The following ETV1 variants were observed in gnomAD, a reference collection of about 807,000 sequenced individuals.
ETV1 encodes the protein ETS translocation variant 1.
ETV1 carries 27 observed loss-of-function variants against 62.3 expected under a neutral mutation model. That is an observed-to-expected ratio of 0.43 (90% CI 0.32 to 0.60). The LOEUF (loss-of-function observed/expected upper bound fraction) is 0.60, where lower values mean the gene tolerates loss of function less well. Among genes scored for constraint, ETV1 ranks in the 20% least tolerant of loss-of-function variants. ETV1 has a pLI of 0.06. For synonymous variants in ETV1, 222 were observed against 199.6 expected, an observed-to-expected ratio of 1.11 and a Z score of -0.94; for missense variants, 605 against 605.8, an observed-to-expected ratio of 1.00 and a Z score of 0.01.
intron 4 of ETV1, 68 bp downstream of exon 4, chr7:13,988,018 C>G: frequency 1.2e-6 from 1 of 848,008 alleles, no homozygotes; most frequent in Non-Finnish European, 2.0e-6. Flanking sequence ...CTGAAGTGCT[C>G]CTTTTCTTTT....
chr7:13,901,975 A>G (rs1178560129), intron 12 of ETV1, among the ~76,000 whole-genome samples: 3 of 152,050 alleles, frequency 2.0e-5, no homozygotes, highest in African/African-American at 7.2e-5. Context: ...ATATATCCCT[A>G]CCTCATCACC....
chr7:13,919,880 GAC>G (rs140955718), intron 9 of ETV1, among the ~76,000 whole-genome samples: 239 of 149,802 alleles, frequency 1.6e-3, no homozygotes, highest in African/African-American at 5.2e-3. Context: ...AACACACAAA[GAC>G]ACACACACAG....
intron 9 of ETV1, among the ~76,000 whole-genome samples, chr7:13,912,603 A>AT (rs1487768831): frequency 3.9e-5 from 6 of 152,318 alleles, no homozygotes; most frequent in African/African-American, 1.4e-4. Context: ...ATGGATGGCA[A>AT]TTTAGAAATA....
rs1054643139 is a variant in ETV1, at chr7:13,916,258, T to C, written c.803-4951A>G. On this transcript the variant is annotated intron_variant, in intron 9 of 13. Coordinates refer to ENST00000430479, the MANE Select transcript of ETV1 (RefSeq NM_004956.5). ...TAGCTCGGATGTACTGAATCTACTATTGATTGAGTATGGGGGAGAAATATG... is the reference window on the plus strand; with the variant it reads ...TAGCTCGGATGTACTGAATCTACTACTGATTGAGTATGGGGGAGAAATATG... Among the ~76,000 whole-genome samples the C allele has an allele frequency of 2.6e-5, 4 of 152,144 alleles. No individual in the cohort carries two copies. In the East Asian group the frequency reaches 5.8e-4, roughly 22 times the overall value.
chr7:13,935,572 T>C (rs1786707558), intron 8 of ETV1, 136 bp downstream of exon 8: 2 of 658,520 alleles, frequency 3.0e-6, no homozygotes, highest in Non-Finnish European at 5.3e-6. Flanking sequence ...GTGAGCTCTT[T>C]CTAAAAATAT....
chr7:13,895,423 A>C lies in ETV1; in HGVS notation c.*443T>G, dbSNP rs1781675079. 1 of 239,346 alleles carries C rather than the reference A, an allele frequency of 4.2e-6. No homozygotes were observed. The highest frequency in any genetic ancestry group is 2.2e-5 in the African/African-American group (1 of 45,428). The allele number at this position is 239,346 out of a possible 1,614,324, so 14.8% of individuals were successfully genotyped here. Reference sequence around the variant, plus strand: ...ACACCTGCAGAGACTCATAAATGACAGGGGAAAATGCCCAAGGCAAATAGT... The same window carrying C: ...ACACCTGCAGAGACTCATAAATGACCGGGGAAAATGCCCAAGGCAAATAGT... On this transcript the variant is annotated 3_prime_UTR_variant, in exon 14 of 14. Coordinates refer to ENST00000430479, the MANE Select transcript of ETV1 (RefSeq NM_004956.5).
intron 12 of ETV1, among the ~76,000 whole-genome samples, chr7:13,902,039 C>G (rs1335363983): frequency 6.6e-6 from 1 of 152,106 alleles, no homozygotes; most frequent in Non-Finnish European, 1.5e-5. Context: ...TTTTCCTACC[C>G]CAGCTAAAGT....
In ETV1 at chr7:13,910,036, T is replaced by G. The variant is rs147585023; in HGVS notation, c.872-336A>C. 8.8e-3 allele frequency among the ~76,000 whole-genome samples: 1,336 copies of G among 152,204 alleles called. 15 individuals are homozygous for G. The highest frequency in any genetic ancestry group is 0.028 in the African/African-American group (1,154 of 41,532). On this transcript the variant is annotated intron_variant, in intron 10 of 13. Transcript: ENST00000430479. ...GATTTATAACGTATCGTCTCCTTTTTTAGATTCATCTAAATTTTATTGTTC... is the reference window on the plus strand; with the variant it reads ...GATTTATAACGTATCGTCTCCTTTTGTAGATTCATCTAAATTTTATTGTTC...
chr7:13,919,398 C>T lies in ETV1; in HGVS notation c.803-8091G>A, dbSNP rs141878387. On this transcript the variant is annotated intron_variant, in intron 9 of 13. Coordinates refer to ENST00000430479, the MANE Select transcript of ETV1 (RefSeq NM_004956.5). Reference sequence around the variant, plus strand: ...CCCACATACTAAAAAAAAAAATTACCAGAACAGAGAGTTGAAAAATACTTT... The same window carrying T: ...CCCACATACTAAAAAAAAAAATTACTAGAACAGAGAGTTGAAAAATACTTT... Among the ~76,000 whole-genome samples the T allele has an allele frequency of 5.9e-3, 880 of 150,292 alleles. 5 individuals are homozygous for T. Among genetic ancestry groups the T allele is most frequent in the African/African-American group, 0.018 (745 of 41,074 alleles).
chr7:13,988,297 G>A, intron 3 of ETV1, 124 bp from the exon 4 acceptor site: 1 of 638,658 alleles, frequency 1.6e-6, no homozygotes, highest in Non-Finnish European at 2.7e-6. Context: ...TCTCTGAATA[G>A]AAAAATAGAA....
chr7:13,952,235 T>C (rs375527162), intron 6 of ETV1, among the ~76,000 whole-genome samples: 73 of 152,226 alleles, frequency 4.8e-4, no homozygotes, highest in African/African-American at 1.7e-3. Context: ...TGGCCTTCCA[T>C]TCCTAATCTG....
At chr7:13,965,006 G>A (rs1237850244) in intron 6 of ETV1, among the ~76,000 whole-genome samples, 1 of 152,008 alleles carries the variant, frequency 6.6e-6, no homozygotes, top group African/African-American at 2.4e-5. Flanking sequence ...GGAATTCCAT[G>A]AACATTAGTA....
At chr7:13,983,512 G>T in intron 5 of ETV1, among the ~76,000 whole-genome samples, 1 of 151,674 alleles carries the variant, frequency 6.6e-6, no homozygotes, top group East Asian at 1.9e-4. Context: ...TTGCCTTTCT[G>T]TCAGTAGCAG....
At chr7:13,898,447 C>T (rs1255428809) in intron 13 of ETV1, among the ~76,000 whole-genome samples, 1 of 152,038 alleles carries the variant, frequency 6.6e-6, no homozygotes, top group Non-Finnish European at 1.5e-5. Context: ...ATATAATCAC[C>T]ATTAACATAT....
At chr7:13,932,664 A>G (rs1786326454) in intron 8 of ETV1, among the ~76,000 whole-genome samples, 1 of 152,186 alleles carries the variant, frequency 6.6e-6, no homozygotes, top group Non-Finnish European at 1.5e-5. Flanking sequence ...TTTCTCATCC[A>G]TAATATCATT....
intron 6 of ETV1, among the ~76,000 whole-genome samples, chr7:13,959,566 G>C (rs1026177112): frequency 6.6e-6 from 1 of 152,138 alleles, no homozygotes; most frequent in Non-Finnish European, 1.5e-5. Context: ...AAAATGGAAT[G>C]AGTCTCAAAA....
intron 6 of ETV1, among the ~76,000 whole-genome samples, chr7:13,947,154 T>C (rs1343843061): frequency 1.3e-5 from 2 of 152,322 alleles, no homozygotes; most frequent in East Asian, 3.9e-4. Flanking sequence ...TTTGTATCCT[T>C]ACATTGAAAA....
chr7:13,948,143 G>C (rs1788386198), intron 6 of ETV1, among the ~76,000 whole-genome samples: 1 of 152,152 alleles, frequency 6.6e-6, no homozygotes, highest in African/African-American at 2.4e-5. Flanking sequence ...TCCACTGAAG[G>C]AAGAATGTTG....
intron 6 of ETV1, among the ~76,000 whole-genome samples, chr7:13,971,453 G>A (rs1198946462): frequency 2.0e-5 from 3 of 152,220 alleles, no homozygotes; most frequent in Non-Finnish European, 2.9e-5. Context: ...ATCTGATAAA[G>A]TACAGAAGTT....
Sources: allele counts gnomAD v4.1 joint callset (sites outside exome capture counted in the v4.1 genomes callset), GRCh38; gene constraint gnomAD v4.1.1; transcripts MANE v1.5; gene names NCBI Gene and HGNC (gene_info 2026-07-23, HGNC 2026-07-21).